The following DENND5B variants were observed in gnomAD, a reference collection of about 807,000 sequenced individuals.
DENND5B encodes the protein DENN domain-containing protein 5B.
A neutral mutation model predicts 140.6 loss-of-function variants in DENND5B; 34 were observed. That is an observed-to-expected ratio of 0.24 (90% CI 0.18 to 0.32). The LOEUF (loss-of-function observed/expected upper bound fraction) is 0.32, where lower values mean the gene tolerates loss of function less well. DENND5B is among the 10% of genes least tolerant of loss of function. The probability of loss-of-function intolerance (pLI) is 1.00; values close to 1 mark genes in which losing one functional copy is unlikely to be tolerated. For missense variants in DENND5B, 1,142 were observed against 1,560.2 expected (o/e 0.73, Z 4.52); for synonymous variants, 551 against 562.1 (o/e 0.98, Z 0.28).
rs57460264 is a variant in DENND5B, at chr12:31,545,950, C to CAAAAAAAAAAAAAA, written c.127+44742_127+44755dup. Among the ~76,000 whole-genome samples the CAAAAAAAAAAAAAA allele has an allele frequency of 1.2e-3, 45 of 36,388 alleles. 4 individuals are homozygous for CAAAAAAAAAAAAAA. Among genetic ancestry groups the CAAAAAAAAAAAAAA allele is most frequent in the African/African-American group, 3.9e-3 (27 of 6,948 alleles). 23.9% of individuals were successfully genotyped at this position (36,388 alleles called of 152,430 possible). A position where few individuals can be genotyped will look rare whatever the true frequency, so the allele number is the denominator to read the frequency against. ...TGGGTGAGAGAGTAAGACACTGTCT[C>CAAAAAAAAAAAAAA]AAAAAAAAAAAAAAAAAAAAAGTGG... On this transcript the variant is annotated intron_variant, in intron 1 of 20. Coordinates refer to ENST00000389082, the MANE Select transcript of DENND5B (RefSeq NM_144973.4).
intron 17 of DENND5B, among the ~76,000 whole-genome samples, chr12:31,393,537 A>G (rs994104165): frequency 2.2e-4 from 33 of 152,192 alleles, no homozygotes; most frequent in Admixed American, 6.5e-5. Context: ...AAAGGTGGTA[A>G]ACATTTCAGA....
chr12:31,410,982 G>A (rs1052701902), intron 13 of DENND5B, among the ~76,000 whole-genome samples: 4 of 151,806 alleles, frequency 2.6e-5, no homozygotes, highest in Non-Finnish European at 5.9e-5. Context: ...TTATATAGCA[G>A]GATTGTAAGT....
chr12:31,490,613 G>A (rs1300187441), intron 2 of DENND5B, among the ~76,000 whole-genome samples: 2 of 148,314 alleles, frequency 1.3e-5, no homozygotes, highest in Admixed American at 6.7e-5. Context: ...CCTGTCTCAA[G>A]AAAAAAAAAA....
chr12:31,501,473 C>T (rs1946998468), intron 1 of DENND5B, among the ~76,000 whole-genome samples: 1 of 152,068 alleles, frequency 6.6e-6, no homozygotes, highest in African/African-American at 2.4e-5. Flanking sequence ...TAAGTAAAAA[C>T]TAAAGAAATC....
intron 1 of DENND5B, among the ~76,000 whole-genome samples, chr12:31,496,439 G>T (rs1345170536): frequency 1.3e-5 from 2 of 152,122 alleles, no homozygotes; most frequent in Admixed American, 6.6e-5. Context: ...AAACATCATT[G>T]CTGAGTCATC....
chr12:31,411,089 A>G (rs1363541081), intron 13 of DENND5B, among the ~76,000 whole-genome samples: 1 of 149,818 alleles, frequency 6.7e-6, no homozygotes, highest in African/African-American at 2.5e-5. Flanking sequence ...CCCAGGCTAG[A>G]GTGCAATGGC....
chr12:31,500,831 G>C (rs756675690), intron 1 of DENND5B, among the ~76,000 whole-genome samples: 3 of 152,072 alleles, frequency 2.0e-5, no homozygotes, highest in Non-Finnish European at 2.9e-5. Context: ...AAAATTGTAC[G>C]GCCACTTTGG....
intron 19 of DENND5B, among the ~76,000 whole-genome samples, chr12:31,391,268 C>T (rs1009686976): frequency 6.6e-6 from 1 of 152,210 alleles, no homozygotes; most frequent in Non-Finnish European, 1.5e-5. Context: ...GTGCTGTCAA[C>T]CTGGAGTCCC....
intron 17 of DENND5B, among the ~76,000 whole-genome samples, chr12:31,396,681 G>A (rs1262238250): frequency 1.3e-5 from 2 of 152,182 alleles, no homozygotes; most frequent in East Asian, 3.9e-4. Flanking sequence ...ACAGTGGCAT[G>A]AGCTCGGCTC....
chr12:31,415,526 GCTT>G, intron 11 of DENND5B, 78 bp from the exon 12 acceptor site: 4 of 1,173,454 alleles, frequency 3.4e-6, no homozygotes, highest in Non-Finnish European at 4.8e-6. Context: ...CTTTGAAACT[GCTT>G]CGATAAGAAC....
Position 31,387,382 on chromosome 12 carries a change from T to A in DENND5B, c.*221A>T. 2.4e-6 allele frequency: 1 copy of A among 422,094 alleles called. No homozygotes were observed. Among genetic ancestry groups the A allele is most frequent in the Non-Finnish European group, 4.2e-6 (1 of 238,468 alleles). The allele number at this position is 422,094 out of a possible 1,614,324, so 26.1% of individuals were successfully genotyped here. A position where few individuals can be genotyped will look rare whatever the true frequency, so the allele number is the denominator to read the frequency against. On this transcript the variant is annotated 3_prime_UTR_variant, in exon 21 of 21. Coordinates refer to ENST00000389082, the MANE Select transcript of DENND5B (RefSeq NM_144973.4). The stretch of plus-strand genomic sequence containing the variant: ...AATTTCTTAAAGAAGATAGCATATT[T>A]ACACACATCTAACACATGAAAATAC...
chr12:31,515,337 G>C (rs1317310902), intron 1 of DENND5B, among the ~76,000 whole-genome samples: 1 of 152,070 alleles, frequency 6.6e-6, no homozygotes, highest in Non-Finnish European at 1.5e-5. Flanking sequence ...TTAAAATTGC[G>C]ATTATAATTA....
At chr12:31,407,078 G>A (rs1280580630) in intron 14 of DENND5B, among the ~76,000 whole-genome samples, 1 of 152,044 alleles carries the variant, frequency 6.6e-6, no homozygotes, top group Non-Finnish European at 1.5e-5. Flanking sequence ...GGCATTACAG[G>A]TGTGAGCCAC....
chr12:31,479,512 A>G, intron 3 of DENND5B, 77 bp downstream of exon 3: 1 of 1,318,102 alleles, frequency 7.6e-7, no homozygotes, highest in Non-Finnish European at 1.0e-6. Context: ...GGTTCTAATA[A>G]TATACCCCAT....
chr12:31,498,652 T>C (rs557288659), intron 1 of DENND5B, among the ~76,000 whole-genome samples: 5 of 152,192 alleles, frequency 3.3e-5, no homozygotes, highest in African/African-American at 7.2e-5. Flanking sequence ...GAACTAACTA[T>C]GTAGAAATTC....
chr12:31,568,317 GA>G (rs1462731613), intron 1 of DENND5B, among the ~76,000 whole-genome samples: 1 of 152,098 alleles, frequency 6.6e-6, no homozygotes, highest in South Asian at 2.1e-4. Flanking sequence ...TCCAAAATCT[GA>G]AAAAACACAA....
chr12:31,572,771 A>AC (rs1239016790), intron 1 of DENND5B, among the ~76,000 whole-genome samples: 1 of 152,218 alleles, frequency 6.6e-6, no homozygotes, highest in African/African-American at 2.4e-5. Context: ...AACTTCTCAT[A>AC]CCTAGAGACA....
At chr12:31,419,816 T>C (rs916558523) in intron 11 of DENND5B, among the ~76,000 whole-genome samples, 3 of 151,192 alleles carry the variant, frequency 2.0e-5, no homozygotes, top group Admixed American at 2.0e-4. Flanking sequence ...CTACTAAAAA[T>C]AGAAAAATTC....
At chr12:31,448,846 C>CA (rs200008716) in intron 5 of DENND5B, among the ~76,000 whole-genome samples, 1,765 of 135,038 alleles carry the variant, frequency 0.013, 24 homozygotes, top group African/African-American at 0.042. Flanking sequence ...ACCGCATTTC[C>CA]AAAAAAACAA....
Sources: gnomAD v4.1 joint callset for allele counts (sites outside exome capture counted in the v4.1 genomes callset) on GRCh38, gnomAD v4.1.1 for gene constraint, MANE v1.5 for transcripts, NCBI Gene and HGNC (gene_info 2026-07-23, HGNC 2026-07-21) for gene names.